WDFY2: variants seen among roughly 807,000 people sequenced by gnomAD.
WDFY2 encodes WD repeat and FYVE domain-containing protein 2.
In WDFY2, 36 loss-of-function variants were observed where a neutral mutation model predicts 56.4. The ratio of observed to expected loss-of-function variants is 0.64; its 90% CI spans 0.49 to 0.84. The LOEUF is 0.84. Among genes scored for constraint, WDFY2 ranks in the 40% least tolerant of loss-of-function variants. WDFY2 has a pLI of 0.00. For missense variants in WDFY2, 444 were observed against 512.2 expected, an observed-to-expected ratio of 0.87 and a Z score of 1.29; for synonymous variants, 176 against 183.7, an observed-to-expected ratio of 0.96 and a Z score of 0.34.
rs541138599 is a variant in WDFY2, at chr13:51,613,983, G to A, written c.137+29159G>A. Among the ~76,000 whole-genome samples the A allele has an allele frequency of 3.3e-5, 5 of 152,080 alleles. No individual in the cohort carries two copies. The South Asian group carries it at 6.2e-4, about 19-fold the overall frequency. ...GAGTGGATCATGAGGTCAGGAGTTT[G>A]AGACCAGCCTGGCTAACATAGTGAA... On this transcript the variant is annotated intron_variant, in intron 1 of 11. Coordinates refer to ENST00000298125, the MANE Select transcript of WDFY2 (RefSeq NM_052950.4).
intron 1 of WDFY2, among the ~76,000 whole-genome samples, chr13:51,593,223 A>T (rs941848911): frequency 6.6e-6 from 1 of 152,166 alleles, no homozygotes; most frequent in South Asian, 2.1e-4. Context: ...TTTAATGATT[A>T]TACTGTATAT....
chr13:51,597,831 A>G (rs1464239827), intron 1 of WDFY2, among the ~76,000 whole-genome samples: 1 of 152,240 alleles, frequency 6.6e-6, no homozygotes, highest in Non-Finnish European at 1.5e-5. Flanking sequence ...AGGTAGAAAT[A>G]GATACTAGCA....
At chr13:51,644,527 G>T (rs1451927751) in intron 1 of WDFY2, among the ~76,000 whole-genome samples, 7 of 152,156 alleles carry the variant, frequency 4.6e-5, no homozygotes, top group Non-Finnish European at 1.0e-4. Flanking sequence ...TGACCCAACT[G>T]ATAAAAACTC....
intron 1 of WDFY2, among the ~76,000 whole-genome samples, chr13:51,641,358 C>T (rs185558083): frequency 3.9e-5 from 6 of 151,952 alleles, no homozygotes; most frequent in South Asian, 4.2e-4. Context: ...CGTGAGCCAC[C>T]GCAGCCAGCC....
rs377721379 is a variant in WDFY2 at position 51,584,674 on chromosome 13, C to T, written c.-14C>T. On this transcript the variant is annotated 5_prime_UTR_variant, in exon 1 of 12. Transcript: ENST00000298125. ...GCGGTTGGCGGCGGCGCCCCAGGCG[C>T]GCCCCCTCCTCCGATGGCGGCGGAG... 36 of 1,606,790 alleles carry T rather than the reference C, an allele frequency of 2.2e-5. No individual in the cohort carries two copies. In the African/African-American group the frequency reaches 3.5e-4, roughly 15 times the overall value.
intron 5 of WDFY2, among the ~76,000 whole-genome samples, chr13:51,720,992 C>T (rs1238919989): frequency 1.3e-5 from 2 of 152,158 alleles, no homozygotes; most frequent in Non-Finnish European, 2.9e-5. Context: ...CACACACAAA[C>T]ACACACACTG....
intron 1 of WDFY2, among the ~76,000 whole-genome samples, chr13:51,620,071 G>A (rs1266963442): frequency 6.6e-6 from 1 of 152,224 alleles, no homozygotes; most frequent in Non-Finnish European, 1.5e-5. Flanking sequence ...CAGAAATACA[G>A]GAGGGGAGGC....
intron 4 of WDFY2, 129 bp downstream of exon 4, chr13:51,703,779 G>A (rs1305938586): frequency 4.0e-6 from 3 of 741,306 alleles, no homozygotes; most frequent in Non-Finnish European, 6.3e-6. Context: ...TTGAGTGAGT[G>A]TTATCCCTGT....
chr13:51,630,346 CTTTG>C (rs2138378253), intron 1 of WDFY2, among the ~76,000 whole-genome samples: 1 of 152,172 alleles, frequency 6.6e-6, no homozygotes, highest in African/African-American at 2.4e-5. Context: ...AGACTATATA[CTTTG>C]TTTTTGTTTT....
At chr13:51,607,985 G>A (rs1357383628) in intron 1 of WDFY2, among the ~76,000 whole-genome samples, 1 of 151,436 alleles carries the variant, frequency 6.6e-6, no homozygotes, top group East Asian at 1.9e-4. Flanking sequence ...GTGTAGATTG[G>A]AGTGATGTGG....
intron 2 of WDFY2, among the ~76,000 whole-genome samples, chr13:51,663,655 C>T (rs185565993): frequency 7.2e-5 from 11 of 152,266 alleles, no homozygotes; most frequent in Non-Finnish European, 1.0e-4. Flanking sequence ...AGCTACATTT[C>T]AATCAGTTAG....
intron 5 of WDFY2, among the ~76,000 whole-genome samples, chr13:51,722,826 T>G (rs1263917263): frequency 1.3e-5 from 2 of 152,210 alleles, no homozygotes; most frequent in Non-Finnish European, 2.9e-5. Context: ...AGAAATGTGT[T>G]CCTTCCCCAC....
intron 5 of WDFY2, among the ~76,000 whole-genome samples, chr13:51,725,875 G>A (rs1358937101): frequency 3.3e-5 from 5 of 151,878 alleles, no homozygotes; most frequent in African/African-American, 1.2e-4. Flanking sequence ...TTTAGTTTTT[G>A]TAGAGATGAG....
chr13:51,616,712 G>A (rs1261648150), intron 1 of WDFY2, among the ~76,000 whole-genome samples: 1 of 152,196 alleles, frequency 6.6e-6, no homozygotes, highest in African/African-American at 2.4e-5. Flanking sequence ...TTAGTCGCAT[G>A]GTCGTGGCTA....
At chr13:51,677,836 G>C (rs1955912991) in intron 3 of WDFY2, among the ~76,000 whole-genome samples, 1 of 152,154 alleles carries the variant, frequency 6.6e-6, no homozygotes, top group South Asian at 2.1e-4. Context: ...AAAGTTAGCT[G>C]TGGGAAAGAA....
chr13:51,754,643 A>G (rs1953321933), intron 8 of WDFY2, among the ~76,000 whole-genome samples: 1 of 152,174 alleles, frequency 6.6e-6, no homozygotes, highest in Non-Finnish European at 1.5e-5. Context: ...TGTGAATTGC[A>G]TGCTCATATC....
In WDFY2 at chr13:51,660,639, C is replaced by A. The variant is rs1385088990; in HGVS notation, c.181C>A (p.Pro61Thr). 1.2e-6 allele frequency: 2 copies of A among 1,613,880 alleles called. No homozygotes were observed. Among genetic ancestry groups the A allele is most frequent in the South Asian group, 2.2e-5 (2 of 91,068 alleles). ...AAAGAGAGACAGTGGACAGTATTGG[C>A]CAAGCGTATACCATGCAATGCCTTG... ...WLKRDSGQYW[P>T]SVYHAMPSPC... Residue 61 changes from proline to threonine, a missense_variant, in exon 2 of 12, where the codon CCA becomes ACA. Physicochemically the swap from Pro to Thr is conservative, Grantham distance 38. Transcript: ENST00000298125.
intron 2 of WDFY2, among the ~76,000 whole-genome samples, chr13:51,666,737 C>A (rs1052997485): frequency 6.6e-6 from 1 of 152,106 alleles, no homozygotes; most frequent in African/African-American, 2.4e-5. Flanking sequence ...CTCTCTCTCT[C>A]TTAGTCATAA....
intron 6 of WDFY2, among the ~76,000 whole-genome samples, chr13:51,735,323 A>G (rs1952811124): frequency 6.6e-6 from 1 of 152,230 alleles, no homozygotes; most frequent in South Asian, 2.1e-4. Context: ...CTGGAATACA[A>G]AGATACATAA....
Sources: allele counts gnomAD v4.1 joint callset (sites outside exome capture counted in the v4.1 genomes callset), GRCh38; gene constraint gnomAD v4.1.1; transcripts MANE v1.5; gene names NCBI Gene and HGNC (gene_info 2026-07-23, HGNC 2026-07-21).